TMEM255B: variants seen among roughly 807,000 people sequenced by gnomAD.
The protein encoded by TMEM255B is transmembrane protein 255B, also known as family with sequence similarity 70, member B.
In TMEM255B, 35 loss-of-function variants were observed where a neutral mutation model predicts 34.5. That is an observed-to-expected ratio of 1.01 (90% confidence interval 0.77 to 1.34). The LOEUF (loss-of-function observed/expected upper bound fraction) is 1.34. Ranked by LOEUF, TMEM255B falls within the 40% of genes most tolerant of loss-of-function variation. The pLI, the probability that TMEM255B is intolerant of heterozygous loss-of-function variation, is 0.00. For synonymous variants in TMEM255B, 206 were observed against 201.2 expected (o/e 1.02, Z -0.20); for missense variants, 432 against 433.2 (o/e 1.00, Z 0.02).
chr13:113,800,565 A>G (rs1216210958), intron 5 of TMEM255B, among the ~76,000 whole-genome samples: 2 of 152,040 alleles, frequency 1.3e-5, no homozygotes, highest in African/African-American at 4.8e-5. Flanking sequence ...TCCTGGGATC[A>G]TGGAGAAGCA....
rs7317848 is a variant in TMEM255B, at chr13:113,813,379, T to A, written c.*1476T>A. ...ATAAACAAGTACCGCTCTTCTCCCG[T>A]GTGGGTCTGAGGTCTCCAGCTTACT... On this transcript the variant is annotated 3_prime_UTR_variant, in exon 9 of 9. Coordinates refer to ENST00000375353, the MANE Select transcript of TMEM255B (RefSeq NM_182614.4). The A allele has an allele frequency of 0.92, 139,546 of 152,312 alleles. 63,999 individuals are homozygous for A. Among genetic ancestry groups the A allele is most frequent in the Middle Eastern group, 0.96 (282 of 294 alleles). The allele number at this position is 152,312 out of a possible 1,614,324, so 9.4% of individuals were successfully genotyped here.
intron 8 of TMEM255B, among the ~76,000 whole-genome samples, chr13:113,808,472 G>C (rs1293921562): frequency 6.6e-6 from 1 of 152,166 alleles, no homozygotes; most frequent in Non-Finnish European, 1.5e-5. Context: ...GGTTTACTCT[G>C]TGGTTCCTGG....
intron 6 of TMEM255B, among the ~76,000 whole-genome samples, chr13:113,801,298 C>G (rs1057032774): frequency 6.6e-6 from 1 of 152,242 alleles, no homozygotes; most frequent in African/African-American, 2.4e-5. Context: ...AGGCATGGCC[C>G]CCTCTTGGGA....
At chr13:113,803,635 A>AGGG (rs2051106315) in intron 7 of TMEM255B, among the ~76,000 whole-genome samples, 1 of 151,852 alleles carries the variant, frequency 6.6e-6, no homozygotes, top group African/African-American at 2.4e-5. Context: ...CAGAACTGCA[A>AGGG]ATCTCCTGCC....
intron 4 of TMEM255B, among the ~76,000 whole-genome samples, chr13:113,795,485 A>G (rs1012612205): frequency 6.6e-6 from 1 of 150,876 alleles, no homozygotes; most frequent in Admixed American, 6.6e-5. Context: ...AACAGAGCAC[A>G]GAGCACACAC....
At chr13:113,768,967 G>T in intron 2 of TMEM255B, 131 bp from the exon 3 acceptor site, 2 of 952,972 alleles carry the variant, frequency 2.1e-6, no homozygotes, top group East Asian at 2.6e-5. Context: ...TGAGGTTCTT[G>T]AGGTAGGGAT....
rs988915949 is a variant in TMEM255B, at chr13:113,815,282, G to A, written c.*3379G>A. On this transcript the variant is annotated 3_prime_UTR_variant, in exon 9 of 9. Transcript: ENST00000375353. ...GACGGTCCGTCCACGTGGGGTCACC[G>A]GCCACGGAGAGAGGAAGGGACATGG... The A allele has an allele frequency of 1.3e-5, 2 of 150,682 alleles. No individual in the cohort carries two copies. Among genetic ancestry groups the A allele is most frequent in the African/African-American group, 2.5e-5 (1 of 40,588 alleles). The allele number at this position is 150,682 out of a possible 1,614,324, so 9.3% of individuals were successfully genotyped here.
chr13:113,759,310 C>G lies in TMEM255B; in HGVS notation c.41C>G (p.Pro14Arg). 8.1e-7 allele frequency: 1 copy of G among 1,229,540 alleles called. No homozygotes were observed. The highest frequency in any genetic ancestry group is 1.0e-6 in the Non-Finnish European group (1 of 986,528). 76.2% of individuals were successfully genotyped at this position (1,229,540 alleles called of 1,614,324 possible). ...PVPGPLGLLD[P>R]AEGLSRRKKT... ...CCCGGGCCCCTGGGCCTGCTGGACC[C>G]CGCAGGTGAGCGCGGGGCTGGGGGC... The change falls in exon 1 of 9, where the codon CCC (proline) becomes CGC (arginine). Residue 14 changes from proline to arginine, a missense_variant. Coordinates refer to ENST00000375353, the MANE Select transcript of TMEM255B (RefSeq NM_182614.4).
At position 113,806,529 on chromosome 13, in the gene TMEM255B, C is replaced by G. The variant is rs566622789; in HGVS notation, c.813+1501C>G. On this transcript the variant is annotated intron_variant, in intron 8 of 8. Transcript: ENST00000375353. This position sits in a 1 kb window ranked among gnomAD's most constrained non-coding sequence, Gnocchi z 4.2. ...GGAACACAAGGCCCCTGCTGGAGGT[C>G]TGGCCTGGAAACATCTTTTCCATTT... is the stretch of plus-strand genomic sequence containing the variant. Among the ~76,000 whole-genome samples, 253 of 152,322 alleles carry G rather than the reference C, an allele frequency of 1.7e-3. No individual in the cohort carries two copies. The highest frequency in any genetic ancestry group is 2.3e-3 in the Non-Finnish European group (159 of 68,016).
chr13:113,786,401 C>T (rs1419195635), intron 3 of TMEM255B, among the ~76,000 whole-genome samples: 1 of 151,524 alleles, frequency 6.6e-6, no homozygotes, highest in Non-Finnish European at 1.5e-5. Flanking sequence ...CGTCACCATC[C>T]CCACTGTCAT....
intron 1 of TMEM255B, among the ~76,000 whole-genome samples, chr13:113,759,587 C>A (rs929251325): frequency 6.6e-6 from 1 of 152,186 alleles, no homozygotes; most frequent in Non-Finnish European, 1.5e-5. Context: ...TCTGTCTCTG[C>A]CTCCTCAGTC....
In TMEM255B at chr13:113,806,505, G is replaced by A. The variant is rs908817744; in HGVS notation, c.813+1477G>A. 3.3e-5 allele frequency among the ~76,000 whole-genome samples: 5 copies of A among 152,120 alleles called. No homozygotes were observed. Among genetic ancestry groups the A allele is most frequent in the African/African-American group, 1.2e-4 (5 of 41,436 alleles). On this transcript the variant is annotated intron_variant, in intron 8 of 8. Coordinates refer to ENST00000375353, the MANE Select transcript of TMEM255B (RefSeq NM_182614.4). The surrounding 1 kb of genome is among the most constrained non-coding windows in gnomAD (Gnocchi z 4.2). ...ATAAAGCTGGGGCCCTGCTCCCTGG[G>A]AACACAAGGCCCCTGCTGGAGGTCT...
At chr13:113,796,757 T>C (rs1427670718) in intron 4 of TMEM255B, among the ~76,000 whole-genome samples, 1 of 152,256 alleles carries the variant, frequency 6.6e-6, no homozygotes, top group Non-Finnish European at 1.5e-5. Context: ...GAATTGCTTG[T>C]CATGAACTCT....
intron 2 of TMEM255B, chr13:113,768,073 C>T (rs751063095): frequency 1.4e-4 from 55 of 405,940 alleles, no homozygotes; most frequent in Non-Finnish European, 2.4e-4. Flanking sequence ...TAAAGAAGTC[C>T]GGTTTCCAGT....
chr13:113,800,071 T>G, intron 5 of TMEM255B: 1 of 1,198,402 alleles, frequency 8.3e-7, no homozygotes, highest in Non-Finnish European at 1.1e-6. Context: ...ATCGTGTGTG[T>G]GTGTGTGTTT....
At chr13:113,810,157 G>A (rs755452042) in intron 8 of TMEM255B, among the ~76,000 whole-genome samples, 19 of 152,154 alleles carry the variant, frequency 1.2e-4, no homozygotes, top group Non-Finnish European at 2.2e-4. Flanking sequence ...CTTCTCTGGG[G>A]ATGCTGAACA....
intron 3 of TMEM255B, among the ~76,000 whole-genome samples, chr13:113,781,623 T>C (rs2050667645): frequency 6.6e-6 from 1 of 152,150 alleles, no homozygotes; most frequent in South Asian, 2.1e-4. Context: ...GCACACAAGG[T>C]CTGATTCATT....
rs190979891 is a variant in TMEM255B, at chr13:113,771,889, A to C, written c.252+2729A>C. On this transcript the variant is annotated intron_variant, in intron 3 of 8. Transcript: ENST00000375353. ...TACCTAGGAGTGGAATTGCTGGGTC[A>C]TACAGTAATGCTGTTTAATCATTTG... is the stretch of plus-strand genomic sequence containing the variant. 1.9e-3 allele frequency among the ~76,000 whole-genome samples: 291 copies of C among 152,294 alleles called. 1 individual carries two copies. The highest frequency in any genetic ancestry group is 6.6e-3 in the African/African-American group (275 of 41,550).
At chr13:113,774,951 A>G (rs1594125174) in intron 3 of TMEM255B, among the ~76,000 whole-genome samples, 1 of 147,918 alleles carries the variant, frequency 6.8e-6, no homozygotes, top group Non-Finnish European at 1.5e-5. Context: ...ACTGCACACA[A>G]CACACGACAC....
Sources: allele counts gnomAD v4.1 joint callset (sites outside exome capture counted in the v4.1 genomes callset), GRCh38; gene constraint gnomAD v4.1.1; non-coding constraint Gnocchi (gnomAD v3.1); transcripts MANE v1.5; gene names NCBI Gene and HGNC (gene_info 2026-07-23, HGNC 2026-07-21).